BEND2: variants seen among roughly 807,000 people sequenced by gnomAD.
BEND2 encodes the protein BEN domain-containing protein 2.
A neutral mutation model predicts 43.8 loss-of-function variants in BEND2; 19 were observed. That is an observed-to-expected ratio of 0.43 (90% CI 0.30 to 0.64). The LOEUF (loss-of-function observed/expected upper bound fraction) is 0.64, where lower values mean the gene tolerates loss of function less well. Ranked by LOEUF, BEND2 falls within the 30% of genes least tolerant of loss-of-function variation. The pLI, the probability that BEND2 is intolerant of heterozygous loss-of-function variation, is 0.11. For synonymous variants in BEND2, 226 were observed against 210.1 expected (o/e 1.08, Z -0.66); for missense variants, 544 against 574.0 (o/e 0.95, Z 0.53).
chrX:18,174,274 A>T lies in BEND2; in HGVS notation c.1753-16T>A, dbSNP rs752607173. 1.7e-6 allele frequency: 2 copies of T among 1,186,611 alleles called. No homozygotes were observed. The highest frequency in any genetic ancestry group is 2.3e-6 in the Non-Finnish European group (2 of 873,085). ...GAACAGTTTTCTGTTGAAACACAAAATCATATCCGTAAACAAAGTCCCACA... is the reference window on the plus strand; with the variant it reads ...GAACAGTTTTCTGTTGAAACACAAATTCATATCCGTAAACAAAGTCCCACA... On this transcript the variant is annotated splice_polypyrimidine_tract_variant and intron_variant, in intron 11 of 13. Coordinates refer to ENST00000380033, the MANE Select transcript of BEND2 (RefSeq NM_153346.5).
intron 2 of BEND2, among the ~76,000 whole-genome samples, chrX:18,214,944 CATTT>C (rs1446897977): frequency 1.9e-5 from 2 of 106,875 alleles, no homozygotes; most frequent in East Asian, 2.9e-4. Flanking sequence ...CCTTTAAATA[CATTT>C]ATTTATCTTA....
chrX:18,196,370 C>T (rs192381421), intron 6 of BEND2, among the ~76,000 whole-genome samples: 8 of 110,163 alleles, frequency 7.3e-5, no homozygotes, highest in Non-Finnish European at 1.9e-5. Context: ...CTGGATCACC[C>T]ATACATGTAA....
At chrX:18,197,531 A>G (rs749571965) in intron 6 of BEND2, among the ~76,000 whole-genome samples, 10 of 112,136 alleles carry the variant, frequency 8.9e-5, no homozygotes, top group Non-Finnish European at 1.9e-4. Flanking sequence ...CACTTGTAAT[A>G]CAGCATCTGA....
chrX:18,196,162 G>A (rs1924943163), intron 6 of BEND2, among the ~76,000 whole-genome samples: 1 of 109,653 alleles, frequency 9.1e-6, no homozygotes, highest in Non-Finnish European at 1.9e-5. Context: ...TGCCGGGTGT[G>A]GTGGTGGGTG....
At chrX:18,196,558 G>A (rs1198691590) in intron 6 of BEND2, among the ~76,000 whole-genome samples, 14 of 109,610 alleles carry the variant, frequency 1.3e-4, no homozygotes, top group Non-Finnish European at 1.9e-5. Flanking sequence ...TGGGAGGGGG[G>A]AAATAATGGC....
Position 18,195,321 on chromosome X carries a change from T to C in BEND2, c.1155A>G (p.Ser385=). The change falls in exon 7 of 14, where the codon TCA becomes TCG. Residue 385 remains serine (S), a synonymous_variant. Coordinates refer to ENST00000380033, the MANE Select transcript of BEND2 (RefSeq NM_153346.5). ...GNTSAPYPAS[S]YLPITSNFES... is the part of the protein sequence containing the mutation. Reference sequence around the variant, plus strand: ...CAAAATTAGAAGTGATGGGAAGATATGAAGAGGCTGGATATGGGGCACTCG... The same window carrying C: ...CAAAATTAGAAGTGATGGGAAGATACGAAGAGGCTGGATATGGGGCACTCG... 8.3e-7 allele frequency: 1 copy of C among 1,207,823 alleles called. No individual in the cohort carries two copies. Among genetic ancestry groups the C allele is most frequent in the African/African-American group, 1.7e-5 (1 of 57,631 alleles).
intron 8 of BEND2, among the ~76,000 whole-genome samples, chrX:18,188,534 T>C (rs1486251855): frequency 2.7e-5 from 3 of 111,271 alleles, no homozygotes; most frequent in Non-Finnish European, 5.7e-5. Context: ...CTAGAGGAAA[T>C]GTATAAATTC....
intron 8 of BEND2, among the ~76,000 whole-genome samples, chrX:18,183,015 C>T (rs1464062755): frequency 1.1e-5 from 1 of 91,734 alleles, no homozygotes; most frequent in African/African-American, 4.1e-5. Flanking sequence ...GCACTCCAGC[C>T]TGGGTGACAG....
intron 6 of BEND2, among the ~76,000 whole-genome samples, chrX:18,197,587 C>A (rs1215224266): frequency 8.9e-6 from 1 of 111,754 alleles, no homozygotes; most frequent in East Asian, 2.8e-4. Flanking sequence ...AGAGGAAGAA[C>A]ATGGGCCGCT....
rs369373543 is a variant in BEND2 at position 18,203,731 on chromosome X, G to T, written c.677C>A (p.Ser226Ter). The T allele has an allele frequency of 1.5e-5, 18 of 1,209,250 alleles. No individual in the cohort carries two copies. Among genetic ancestry groups the T allele is most frequent in the African/African-American group, 1.7e-5 (1 of 57,252 alleles). The change falls in exon 5 of 14, where the codon TCA (serine) becomes TAA (stop). Residue 226 changes from serine (S) to a stop codon, truncating the protein, a stop_gained. Transcript: ENST00000380033. LOFTEE classifies it high-confidence loss of function. ...CCATGGCATACCGAAACAAGGAAAT[G>T]AGCCACCTTGTGCGACATACTGCTG... ...SLQQYVAQGG[S>*]FPCFGMPWNF...
intron 1 of BEND2, among the ~76,000 whole-genome samples, chrX:18,217,668 A>G (rs1394502943): frequency 9.0e-6 from 1 of 111,508 alleles, no homozygotes; most frequent in African/African-American, 3.3e-5. Flanking sequence ...AATAGTCTTC[A>G]TGGAAAAAAA....
At chrX:18,185,438 C>A (rs1192977652) in intron 8 of BEND2, among the ~76,000 whole-genome samples, 1 of 108,147 alleles carries the variant, frequency 9.2e-6, no homozygotes, top group Non-Finnish European at 1.9e-5. Context: ...GGCTGAGGCA[C>A]GAGAATCACT....
At chrX:18,197,273 A>G (rs1035654540) in intron 6 of BEND2, among the ~76,000 whole-genome samples, 1 of 110,402 alleles carries the variant, frequency 9.1e-6, no homozygotes, top group Non-Finnish European at 1.9e-5. Context: ...CGTCCCTACT[A>G]AAAATACAAA....
Position 18,165,063 on chromosome X carries a change from C to G in BEND2, c.2346G>C (p.Glu782Asp). 3.3e-6 allele frequency: 4 copies of G among 1,210,179 alleles called. No homozygotes were observed. The highest frequency in any genetic ancestry group is 3.5e-5 in the African/African-American group (2 of 57,733). The part of the protein sequence containing the change: ...SQSLPAVTPP[E>D]LEQESKPGDP... ...CTCCTGGCTTTGACTCCTGCTCCAGCTCTGGAGGGGTCACTGCTGGAAGCG... is the reference window on the plus strand; with the variant it reads ...CTCCTGGCTTTGACTCCTGCTCCAGGTCTGGAGGGGTCACTGCTGGAAGCG... The change falls in exon 14 of 14, where the codon GAG becomes GAC. Residue 782 changes from glutamate (E) to aspartate (D), a missense_variant. Around this residue, in one of 2 missense-constraint regions of BEND2, gnomAD observed 43 missense variants for 72.4 expected, o/e 0.59. Coordinates refer to ENST00000380033, the MANE Select transcript of BEND2 (RefSeq NM_153346.5).
chrX:18,198,495 C>T (rs1925033179), intron 6 of BEND2, among the ~76,000 whole-genome samples: 1 of 111,521 alleles, frequency 9.0e-6, no homozygotes, highest in Admixed American at 9.5e-5. Flanking sequence ...AAATCAAAAC[C>T]ACAATGAGAT....
chrX:18,214,848 A>C (rs1925630258), intron 2 of BEND2, among the ~76,000 whole-genome samples: 1 of 108,083 alleles, frequency 9.3e-6, no homozygotes, highest in African/African-American at 3.3e-5. Flanking sequence ...AAGAAAAAAA[A>C]ATTCACCTAA....
chrX:18,165,783 A>C lies in BEND2; in HGVS notation c.2186-560T>G, dbSNP rs778611618. Among the ~76,000 whole-genome samples the C allele has an allele frequency of 5.4e-5, 6 of 112,037 alleles. No homozygotes were observed. The East Asian group carries it at 1.7e-3, about 32-fold the overall frequency. ...AGGAGCACTCTTAGAGAAAGTAAGA[A>C]GACAGACAAGGAGAAAGGTAGGGAA... On this transcript the variant is annotated intron_variant, in intron 13 of 13. Transcript: ENST00000380033.
At chrX:18,193,565 G>T (rs183692125) in intron 7 of BEND2, among the ~76,000 whole-genome samples, 1 of 111,467 alleles carries the variant, frequency 9.0e-6, no homozygotes, top group Non-Finnish European at 1.9e-5. Context: ...AGTTTTGCAA[G>T]ATGCTATTGT....
intron 9 of BEND2, among the ~76,000 whole-genome samples, chrX:18,178,139 G>C (rs1349830799): frequency 2.7e-5 from 3 of 111,918 alleles, no homozygotes; most frequent in Non-Finnish European, 5.6e-5. Flanking sequence ...CGCTCTAAGA[G>C]TACACTCAGA....
Sources: gnomAD v4.1 joint callset for allele counts (sites outside exome capture counted in the v4.1 genomes callset) on GRCh38, gnomAD v4.1.1 for gene constraint, gnomAD v4.1.1 regional missense constraint, MANE v1.5 for transcripts, NCBI Gene and HGNC (gene_info 2026-07-23, HGNC 2026-07-21) for gene names.